Variants in GMPPB observed in about 807,000 individuals in gnomAD.
GMPPB encodes GDP-mannose pyrophosphorylase B, also known as mannose-1-phosphate guanylyltransferase catalytic subunit beta.
GMPPB carries 38 observed loss-of-function variants against 40.3 expected under a neutral mutation model. The observed-to-expected ratio is 0.94, with a 90% CI of 0.73 to 1.24. The LOEUF is 1.24. Among genes scored for constraint, GMPPB ranks in the 50% most tolerant of loss-of-function variants. The pLI, the probability that GMPPB is intolerant of heterozygous loss-of-function variation, is 0.00. For synonymous variants in GMPPB, 193 were observed against 191.8 expected (o/e 1.01, Z -0.05); for missense variants, 436 against 487.1 (o/e 0.90, Z 0.99).
At position 49,723,758 on chromosome 3, in the gene GMPPB, G is replaced by C. The variant is rs771594203; in HGVS notation, c.-32C>G. 6.5e-7 allele frequency: 1 copy of C among 1,549,970 alleles called. No individual in the cohort carries two copies. Among genetic ancestry groups the C allele is most frequent in the Non-Finnish European group, 8.6e-7 (1 of 1,157,760 alleles). On this transcript the variant is annotated 5_prime_UTR_variant, in exon 1 of 9. Transcript: ENST00000308388. ...TGCGGACGTTGAGGGGGTGTCCCGG[G>C]CTCTGAGGTGCCTGCAGCCCGCCTG...
At position 49,720,386 on chromosome 3, in the gene GMPPB, G is replaced by GA. The variant is rs2080373609; in HGVS notation, c.*1365dup. On this transcript the variant is annotated 3_prime_UTR_variant, in exon 9 of 9. Transcript: ENST00000308388. ...CAGGACTTGGGGTTTGGGAAGCAGG[G>GA]AGACGGAAAGGATGCAGGGGGGGTG... 1 of 959,172 alleles carries GA rather than the reference G, an allele frequency of 1.0e-6. No homozygotes were observed. Among genetic ancestry groups the GA allele is most frequent in the African/African-American group, 1.6e-5 (1 of 61,010 alleles). 59.4% of individuals were successfully genotyped at this position (959,172 alleles called of 1,614,324 possible).
chr3:49,722,834 A>T, intron 4 of GMPPB, 80 bp from the exon 5 acceptor site: 1 of 1,529,590 alleles, frequency 6.5e-7, no homozygotes. Context: ...ATCTCAAGAG[A>T]CTCTGCCCCA....
In GMPPB at chr3:49,722,668, T is replaced by C. The variant is rs1333270666; in HGVS notation, c.489A>G (p.Pro163=). The C allele has an allele frequency of 6.2e-7, 1 of 1,614,026 alleles. No homozygotes were observed. The highest frequency in any genetic ancestry group is 1.7e-5 in the Admixed American group (1 of 60,028). ...TGATCTTATTGGACACAAACACCTG[T>C]GGCTTCTCCACGAACCGGTGAATGC... ...TGRIHRFVEK[P]QVFVSNKINA... The change falls in exon 5 of 9, where the codon CCA becomes CCG. Residue 163 remains proline (P), a synonymous_variant. Coordinates refer to ENST00000308388, the MANE Select transcript of GMPPB (RefSeq NM_021971.4).
At chr3:49,721,917 G>A (rs2080417365) in intron 8 of GMPPB, 34 bp from the exon 9 acceptor site, 1 of 1,613,844 alleles carries the variant, frequency 6.2e-7, no homozygotes. Context: ...CAGGGAGGCA[G>A]GCACACTCCC....
In GMPPB at chr3:49,723,235, C is replaced by T. The variant is rs1238626481; in HGVS notation, c.259+19G>A. 2 of 1,613,806 alleles carry T rather than the reference C, an allele frequency of 1.2e-6. No homozygotes were observed. On this transcript the variant is annotated intron_variant, in intron 3 of 8. Transcript: ENST00000308388. ...TGGCCTTAAACCCTCCCCCAAGGGACCTTTCTGCCTCTACTGACCTGTCCC... is the reference window on the plus strand; with the variant it reads ...TGGCCTTAAACCCTCCCCCAAGGGATCTTTCTGCCTCTACTGACCTGTCCC...
rs1213304110 is a variant in GMPPB at position 49,720,680 on chromosome 3, G to A, written c.*1072C>T. On this transcript the variant is annotated 3_prime_UTR_variant, in exon 9 of 9. Coordinates refer to ENST00000308388, the MANE Select transcript of GMPPB (RefSeq NM_021971.4). Reference sequence around the variant, plus strand: ...TGAGTGGGCTGGTGGGGCAGGTCAGGGAAATCTGGGGCTGGGTCGGGTCAG... The same window carrying A: ...TGAGTGGGCTGGTGGGGCAGGTCAGAGAAATCTGGGGCTGGGTCGGGTCAG... 2 of 1,596,002 alleles carry A rather than the reference G, an allele frequency of 1.3e-6. No homozygotes were observed. The highest frequency in any genetic ancestry group is 2.2e-5 in the South Asian group (2 of 89,942).
rs1396588446 is a variant in GMPPB at position 49,723,319 on chromosome 3, C to T, written c.211-17G>A. 1.9e-6 allele frequency: 3 copies of T among 1,614,054 alleles called. No individual in the cohort carries two copies. Among genetic ancestry groups the T allele is most frequent in the Non-Finnish European group, 2.5e-6 (3 of 1,180,022 alleles). On this transcript the variant is annotated splice_polypyrimidine_tract_variant and intron_variant, in intron 2 of 8. Transcript: ENST00000308388. ...GATTCCCAGCTGGAAGGAAGAGGCC[C>T]CCCCAGTCAGGTTCTACCAGGATGG...
chr3:49,721,798 T>C lies in GMPPB; in HGVS notation c.1037A>G (p.His346Arg). 6.2e-7 allele frequency: 1 copy of C among 1,611,980 alleles called. No individual in the cohort carries two copies. Among genetic ancestry groups the C allele is most frequent in the South Asian group, 1.1e-5 (1 of 91,072 alleles). Residue 346 changes from histidine (H) to arginine (R), a missense_variant, in exon 9 of 9, where the codon CAC (histidine) becomes CGC (arginine). His to Arg is a conservative substitution (Grantham distance 29). Transcript: ENST00000308388. Reference protein sequence around the residue: ...LYLNGASVLPHKSIGESVPEP... With the variant: ...LYLNGASVLPRKSIGESVPEP... Reference sequence around the variant, plus strand: ...TGGCACTGACTCGCCAATAGACTTGTGGGGCAGCACGCTGGCTCCGTTGAG... The same window carrying C: ...TGGCACTGACTCGCCAATAGACTTGCGGGGCAGCACGCTGGCTCCGTTGAG...
rs2080386166 is a variant in GMPPB at position 49,720,735 on chromosome 3, G to A, written c.*1017C>T. 20 of 1,610,398 alleles carry A rather than the reference G, an allele frequency of 1.2e-5. No individual in the cohort carries two copies. Among genetic ancestry groups the A allele is most frequent in the Non-Finnish European group, 1.7e-5 (20 of 1,177,036 alleles). On this transcript the variant is annotated 3_prime_UTR_variant, in exon 9 of 9. Transcript: ENST00000308388. ...CTTAAGAACAGCAAAGTCCTAGGCT[G>A]GGAATATTCAAGAGGCATCACATCC...
Position 49,722,117 on chromosome 3 carries a change from T to C in GMPPB, c.799A>G (p.Ser267Gly). 6.2e-7 allele frequency: 1 copy of C among 1,613,184 alleles called. No individual in the cohort carries two copies. Among genetic ancestry groups the C allele is most frequent in the Non-Finnish European group, 8.5e-7 (1 of 1,179,700 alleles). ...DPSARIGQNC[S>G]IGPNVSLGPG... ...CCCAGGCTCACATTGGGGCCAATGC[T>C]GCAGTTCTGGCCGATGCGGGCACTT... Residue 267 changes from serine to glycine, a missense_variant, in exon 8 of 9, where the codon AGC (serine) becomes GGC (glycine). Physicochemically the swap from Ser to Gly is moderately conservative, Grantham distance 56 (BLOSUM62 0). Transcript: ENST00000308388.
rs768115410 is a variant in GMPPB at position 49,723,422 on chromosome 3, C to T, written c.180G>A (p.Leu60=). The change falls in exon 2 of 9, where the codon CTG becomes CTA. Residue 60 remains leucine, a synonymous_variant. Coordinates refer to ENST00000308388, the MANE Select transcript of GMPPB (RefSeq NM_021971.4). ...GCTCCTGTGCCTTCATTTCCTTCTC[C>T]AGCACCTGCGACATGTAGCTCACGG... ...ILAVSYMSQV[L]EKEMKAQEQR... The T allele has an allele frequency of 1.2e-6, 2 of 1,614,174 alleles. No homozygotes were observed. Among genetic ancestry groups the T allele is most frequent in the South Asian group, 1.1e-5 (1 of 91,084 alleles).
chr3:49,723,526 G>C lies in GMPPB; in HGVS notation c.130-54C>G. The C allele has an allele frequency of 8.1e-6, 13 of 1,611,340 alleles. No individual in the cohort carries two copies. The South Asian group carries it at 1.4e-4, about 18-fold the overall frequency. On this transcript the variant is annotated intron_variant, in intron 1 of 8. Transcript: ENST00000308388. ...TCAGTCAGAAGGTACGGGAGCCCCT[G>C]ACCCCTAGTCGCTGGCCATCCCTAG... is the stretch of plus-strand genomic sequence containing the variant.
Position 49,721,885 on chromosome 3 carries a change from T to C in GMPPB, c.952-2A>G, listed in dbSNP as rs372512288. On this transcript the variant is annotated splice_acceptor_variant, in intron 8 of 8. Coordinates refer to ENST00000308388, the MANE Select transcript of GMPPB (RefSeq NM_021971.4). LOFTEE classifies it high-confidence loss of function. ...CACTGTCACGTTCTCCATGCGTACCTCCAGGAGAGGATAGGCCTTGTCAGG... is the reference window on the plus strand; with the variant it reads ...CACTGTCACGTTCTCCATGCGTACCCCCAGGAGAGGATAGGCCTTGTCAGG... The C allele has an allele frequency of 6.2e-7, 1 of 1,613,914 alleles. No individual in the cohort carries two copies. Among genetic ancestry groups the C allele is most frequent in the East Asian group, 2.2e-5 (1 of 44,872 alleles).
chr3:49,723,549 T>G, intron 1 of GMPPB, 49 bp downstream of exon 1: 1 of 1,609,980 alleles, frequency 6.2e-7, no homozygotes. Flanking sequence ...TGGCCATCCC[T>G]AGTCCCGCCA....
In GMPPB at chr3:49,720,189, G is replaced by A. The variant is rs188651373; in HGVS notation, c.*1563C>T. On this transcript the variant is annotated 3_prime_UTR_variant, in exon 9 of 9. Transcript: ENST00000308388. ...CAATTAGCCGGGCGTGGTGGTGGGC[G>A]TCTGCAATTCCAGCTACTCGGGAGG... 12 of 188,348 alleles carry A rather than the reference G, an allele frequency of 6.4e-5. No individual in the cohort carries two copies. The highest frequency in any genetic ancestry group is 2.1e-4 in the African/African-American group (9 of 42,838). The allele number at this position is 188,348 out of a possible 1,614,324, so 11.7% of individuals were successfully genotyped here. A position where few individuals can be genotyped will look rare whatever the true frequency, so the allele number is the denominator to read the frequency against.
At position 49,720,798 on chromosome 3, in the gene GMPPB, A is replaced by C; in HGVS notation, c.*954T>G. The C allele has an allele frequency of 1.2e-6, 2 of 1,614,160 alleles. No individual in the cohort carries two copies. Among genetic ancestry groups the C allele is most frequent in the Non-Finnish European group, 1.7e-6 (2 of 1,180,020 alleles). On this transcript the variant is annotated 3_prime_UTR_variant, in exon 9 of 9. Transcript: ENST00000308388. Reference sequence around the variant, plus strand: ...GACTTGACACTACCTACCACTCCCCAGATGCGGATTATATCAGTGCCGATG... The same window carrying C: ...GACTTGACACTACCTACCACTCCCCCGATGCGGATTATATCAGTGCCGATG...
In GMPPB at chr3:49,722,097, G is replaced by C. The variant is rs774498980; in HGVS notation, c.819C>G (p.Ser273Arg). 1.2e-6 allele frequency: 2 copies of C among 1,613,444 alleles called. No individual in the cohort carries two copies. The highest frequency in any genetic ancestry group is 1.7e-6 in the Non-Finnish European group (2 of 1,180,020). The change falls in exon 8 of 9, where the codon AGC becomes AGG. Residue 273 changes from serine to arginine, a missense_variant. Coordinates refer to ENST00000308388, the MANE Select transcript of GMPPB (RefSeq NM_021971.4). The stretch of plus-strand genomic sequence containing the variant: ...CTTCGACCACCACGCCAGGTCCCAG[G>C]CTCACATTGGGGCCAATGCTGCAGT... Reference protein sequence around the residue: ...GQNCSIGPNVSLGPGVVVEDG... With the variant: ...GQNCSIGPNVRLGPGVVVEDG...
chr3:49,723,111 C>G lies in GMPPB; in HGVS notation c.263G>C (p.Gly88Ala). ...SHEEEPLGTA[G>A]PLALARDLLS... ...TAGGTCACGGGCCAGCGCCAGGGGC[C>G]CAGCTGGGGGAAGGGGACAGGTCAC... is the stretch of plus-strand genomic sequence containing the variant. The change falls in exon 4 of 9, where the codon GGG becomes GCG. Residue 88 changes from glycine (G) to alanine (A), a missense_variant. Gly to Ala is a moderately conservative substitution (Grantham distance 60, BLOSUM62 0). Coordinates refer to ENST00000308388, the MANE Select transcript of GMPPB (RefSeq NM_021971.4). 6.2e-7 allele frequency: 1 copy of G among 1,613,936 alleles called. No individual in the cohort carries two copies. Among genetic ancestry groups the G allele is most frequent in the Non-Finnish European group, 8.5e-7 (1 of 1,179,960 alleles).
intron 3 of GMPPB, 32 bp from the exon 4 acceptor site, chr3:49,723,146 G>A (rs879164345): frequency 6.2e-7 from 1 of 1,613,384 alleles, no homozygotes; most frequent in South Asian, 1.1e-5. Context: ...CCACCTTGCT[G>A]GAGGTCTGAG....
Sources: gnomAD v4.1 joint callset for allele counts on GRCh38, gnomAD v4.1.1 for gene constraint, MANE v1.5 for transcripts, NCBI Gene and HGNC (gene_info 2026-07-23, HGNC 2026-07-21) for gene names.